Variants in TOPAZ1 observed in about 807,000 individuals in gnomAD.
The protein encoded by TOPAZ1 is testis and ovary specific TOPAZ 1.
Under a neutral mutation model 172.2 loss-of-function variants are expected in TOPAZ1, and 66 were observed. That is an observed-to-expected ratio of 0.38 (90% CI 0.31 to 0.47). The LOEUF (loss-of-function observed/expected upper bound fraction) is 0.47, where lower values mean the gene tolerates loss of function less well. TOPAZ1 is among the 20% of genes least tolerant of loss of function. The pLI is 0.99. For synonymous variants in TOPAZ1, 681 were observed against 683.9 expected, an observed-to-expected ratio of 1.00 and a Z score of 0.07; for missense variants, 1,822 against 1,972.4, an observed-to-expected ratio of 0.92 and a Z score of 1.44.
At chr3:44,290,677 C>G (rs1367925381) in intron 11 of TOPAZ1, 94 bp from the exon 12 acceptor site, 12 of 693,288 alleles carry the variant, frequency 1.7e-5, no homozygotes, top group South Asian at 1.3e-4. Flanking sequence ...TGTTTCACTT[C>G]TTCCATTAGT....
intron 14 of TOPAZ1, among the ~76,000 whole-genome samples, 192 bp from the exon 15 acceptor site, chr3:44,306,134 A>T (rs1700334237): frequency 6.6e-6 from 1 of 152,224 alleles, no homozygotes; most frequent in Admixed American, 6.5e-5. Context: ...TCTATCACAT[A>T]GTTTTATTTT....
chr3:44,296,847 C>CAAAAAAAAAAAAAAAAAAAAA (rs141080618), intron 12 of TOPAZ1, among the ~76,000 whole-genome samples: 1 of 104,772 alleles, frequency 9.5e-6, no homozygotes, highest in African/African-American at 3.8e-5. Flanking sequence ...CAGAGAATAC[C>CAAAAAAAAAAAAAAAAAAAAA]AAAAAAAAAA....
At chr3:44,249,074 T>C (rs1022876352) in intron 2 of TOPAZ1, among the ~76,000 whole-genome samples, 3 of 152,168 alleles carry the variant, frequency 2.0e-5, no homozygotes, top group Non-Finnish European at 4.4e-5. Context: ...GCCTGTATCA[T>C]TGGAAATGAT....
At chr3:44,300,586 A>G (rs1237187712) in intron 12 of TOPAZ1, among the ~76,000 whole-genome samples, 3 of 152,226 alleles carry the variant, frequency 2.0e-5, no homozygotes, top group Non-Finnish European at 4.4e-5. Context: ...ACCTATCAGA[A>G]TAACAGAATT....
intron 14 of TOPAZ1, among the ~76,000 whole-genome samples, chr3:44,305,863 A>G (rs978845470): frequency 6.6e-6 from 1 of 152,232 alleles, no homozygotes; most frequent in Non-Finnish European, 1.5e-5. Context: ...TTTAGTATCA[A>G]ACGTTTCACA....
chr3:44,323,116 G>C lies in TOPAZ1; in HGVS notation c.4496G>C (p.Ser1499Thr). Residue 1499 changes from serine (S) to threonine (T), a missense_variant, in exon 18 of 20, where the codon AGC becomes ACC. Around this residue, in one of 2 missense-constraint regions of TOPAZ1, gnomAD observed 333 missense variants for 481.7 expected, o/e 0.69. Coordinates refer to ENST00000309765, the MANE Select transcript of TOPAZ1 (RefSeq NM_001145030.2). The part of the protein sequence containing the change: ...SQETVEVSQY[S>T]LLFNKLLGSC... ...GAAACTGTGGAAGTCTCACAATATA[G>C]CCTTCTTTTTAATAAGCTTCTAGGT... 1.3e-6 allele frequency: 2 copies of C among 1,541,656 alleles called. No individual in the cohort carries two copies. The highest frequency in any genetic ancestry group is 1.8e-6 in the Non-Finnish European group (2 of 1,142,380).
intron 6 of TOPAZ1, among the ~76,000 whole-genome samples, chr3:44,267,620 G>T (rs1031247148): frequency 6.6e-6 from 1 of 152,064 alleles, no homozygotes; most frequent in Non-Finnish European, 1.5e-5. Flanking sequence ...ATGGAACAAC[G>T]TGTGAAATAT....
chr3:44,268,038 C>CT, intron 6 of TOPAZ1, among the ~76,000 whole-genome samples: 1 of 152,180 alleles, frequency 6.6e-6, no homozygotes, highest in South Asian at 2.1e-4. Context: ...ATTAAAAATA[C>CT]TTTTATTTTT....
chr3:44,243,434 T>C lies in TOPAZ1; in HGVS notation c.928T>C (p.Ser310Pro). ...CCAAAGTAAAACCAATGGCTTGCTTTCCTGCCTTCAACATGAAAAAAATAA... is the reference window on the plus strand; with the variant it reads ...CCAAAGTAAAACCAATGGCTTGCTTCCCTGCCTTCAACATGAAAAAAATAA... ...LYQSKTNGLL[S>P]CLQHEKNKYS... The change falls in exon 2 of 20, where the codon TCC becomes CCC. Residue 310 changes from serine to proline, a missense_variant. Ser to Pro is a moderately conservative substitution (Grantham distance 74). This residue lies in a region of TOPAZ1 where 1,489 missense variants were observed against 1,490.8 expected (regional missense o/e 1.00). Transcript: ENST00000309765. 1 of 1,551,704 alleles carries C rather than the reference T, an allele frequency of 6.4e-7. No individual in the cohort carries two copies.
At chr3:44,311,083 A>G (rs1700392814) in intron 16 of TOPAZ1, among the ~76,000 whole-genome samples, 1 of 152,202 alleles carries the variant, frequency 6.6e-6, no homozygotes, top group South Asian at 2.1e-4. Context: ...AAATAAAGCA[A>G]ATTGAGAACT....
At position 44,243,351 on chromosome 3, in the gene TOPAZ1, A is replaced by C. The variant is rs764531508; in HGVS notation, c.845A>C (p.Gln282Pro). ...SDTNSIPQLL[Q>P]TEENVMGVNK... The stretch of plus-strand genomic sequence containing the variant: ...ACAAATAGTATTCCTCAGCTCTTAC[A>C]AACAGAAGAAAATGTAATGGGAGTA... Residue 282 changes from glutamine (Q) to proline (P), a missense_variant, in exon 2 of 20, where the codon CAA (glutamine) becomes CCA (proline). Physicochemically the swap from Gln to Pro is moderately conservative, Grantham distance 76. Coordinates refer to ENST00000309765, the MANE Select transcript of TOPAZ1 (RefSeq NM_001145030.2). 8 of 1,551,116 alleles carry C rather than the reference A, an allele frequency of 5.2e-6. No homozygotes were observed. The highest frequency in any genetic ancestry group is 7.0e-6 in the Non-Finnish European group (8 of 1,146,844).
intron 15 of TOPAZ1, among the ~76,000 whole-genome samples, chr3:44,309,309 G>A (rs1215141567): frequency 6.6e-6 from 1 of 152,100 alleles, no homozygotes; most frequent in Non-Finnish European, 1.5e-5. Flanking sequence ...AGGTAGGGCA[G>A]GGGTTTCACC....
In TOPAZ1 at chr3:44,290,830, A is replaced by G. The variant is rs568698840; in HGVS notation, c.3741A>G (p.Leu1247=). The G allele has an allele frequency of 1.8e-5, 28 of 1,550,356 alleles. 1 individual carries two copies. In the South Asian group the frequency reaches 3.2e-4, roughly 18 times the overall value. Residue 1247 remains leucine (L), a synonymous_variant, in exon 12 of 20, where the codon TTA becomes TTG. Transcript: ENST00000309765. The part of the protein sequence containing the change: ...PEHFNYIVKL[L]YQVQASKQEI... ...ACTTTAACTATATTGTTAAGCTTTT[A>G]TACCAAGTACAAGCTTCCAAACAAG... is the stretch of plus-strand genomic sequence containing the variant.
At chr3:44,280,872 T>G (rs925159707) in intron 8 of TOPAZ1, among the ~76,000 whole-genome samples, 1 of 152,186 alleles carries the variant, frequency 6.6e-6, no homozygotes, top group African/African-American at 2.4e-5. Context: ...GGTTACAATC[T>G]GTGGGGGCTG....
chr3:44,318,112 G>C (rs368191793), intron 16 of TOPAZ1, among the ~76,000 whole-genome samples: 17 of 150,694 alleles, frequency 1.1e-4, no homozygotes, highest in Non-Finnish European at 5.9e-5. Flanking sequence ...TGATGAAGCA[G>C]TATGGCTGGT....
chr3:44,309,031 A>G (rs1410498118), intron 15 of TOPAZ1, among the ~76,000 whole-genome samples: 1 of 152,012 alleles, frequency 6.6e-6, no homozygotes, highest in Non-Finnish European at 1.5e-5. Context: ...ATTTTTAAAG[A>G]GTTATAAATT....
intron 2 of TOPAZ1, among the ~76,000 whole-genome samples, chr3:44,246,247 ATCTAT>A (rs1472308045): frequency 1.4e-5 from 2 of 145,208 alleles, no homozygotes; most frequent in South Asian, 2.1e-4. Flanking sequence ...CAGGAACTTA[ATCTAT>A]TCTGTTTGGC....
chr3:44,302,885 C>T lies in TOPAZ1; in HGVS notation c.3798-1130C>T, dbSNP rs149505570. Among the ~76,000 whole-genome samples, 12 of 152,172 alleles carry T rather than the reference C, an allele frequency of 7.9e-5. No homozygotes were observed. In the East Asian group the frequency reaches 9.6e-4, roughly 12 times the overall value. On this transcript the variant is annotated intron_variant, in intron 12 of 19. Transcript: ENST00000309765. ...TGAGACAGGATCTTGCTCTGTTTCCCGGGCTGGGGTGCAGTAGTGCAATTA... is the reference window on the plus strand; with the variant it reads ...TGAGACAGGATCTTGCTCTGTTTCCTGGGCTGGGGTGCAGTAGTGCAATTA...
At chr3:44,328,852 G>A (rs573020685) in intron 19 of TOPAZ1, among the ~76,000 whole-genome samples, 21 of 152,282 alleles carry the variant, frequency 1.4e-4, no homozygotes, top group African/African-American at 4.8e-4. Flanking sequence ...AAAGCCATCA[G>A]CCTAGTTTCT....
Sources: allele counts gnomAD v4.1 joint callset (sites outside exome capture counted in the v4.1 genomes callset), GRCh38; gene constraint gnomAD v4.1.1; regional missense constraint gnomAD v4.1.1; transcripts MANE v1.5; gene names NCBI Gene and HGNC (gene_info 2026-07-23, HGNC 2026-07-21).